The following EPHA6 variants were observed in gnomAD, a reference collection of about 807,000 sequenced individuals.
The protein encoded by EPHA6 is ephrin type-A receptor 6.
Under a neutral mutation model 112.0 loss-of-function variants are expected in EPHA6, and 50 were observed. That is an observed-to-expected ratio of 0.45 (90% CI 0.36 to 0.56). The LOEUF is 0.56. EPHA6 is among the 20% of genes least tolerant of loss of function. The pLI is 0.00. For synonymous variants in EPHA6, 529 were observed against 490.7 expected (o/e 1.08, Z -1.03); for missense variants, 1,280 against 1,417.4 (o/e 0.90, Z 1.56).
intron 3 of EPHA6, among the ~76,000 whole-genome samples, chr3:97,182,933 A>C (rs1037945960): frequency 6.6e-6 from 1 of 152,142 alleles, no homozygotes; most frequent in Non-Finnish European, 1.5e-5. Context: ...TTTGTAATAA[A>C]AATGTTTAAA....
intron 12 of EPHA6, among the ~76,000 whole-genome samples, chr3:97,600,924 C>G (rs571591324): frequency 6.6e-6 from 1 of 152,014 alleles, no homozygotes; most frequent in East Asian, 1.9e-4. Flanking sequence ...TAAGTAATCT[C>G]TAGATTTTTT....
intron 12 of EPHA6, among the ~76,000 whole-genome samples, chr3:97,598,125 ATTTTTATTTTTTATTT>A (rs1436276540): frequency 6.6e-6 from 1 of 151,622 alleles, no homozygotes; most frequent in Admixed American, 6.6e-5. Context: ...GTTAGTACCC[ATTTTTATTTTTTATTT>A]TTTTTATTTT....
At chr3:97,043,479 G>T (rs537972908) in intron 3 of EPHA6, among the ~76,000 whole-genome samples, 1 of 149,390 alleles carries the variant, frequency 6.7e-6, no homozygotes, top group South Asian at 2.1e-4. Flanking sequence ...CAAGAATAAG[G>T]GCATTTTCTA....
chr3:97,455,271 A>T (rs2090645570), intron 7 of EPHA6, among the ~76,000 whole-genome samples: 1 of 152,024 alleles, frequency 6.6e-6, no homozygotes, highest in Admixed American at 6.6e-5. Flanking sequence ...TTATGTTCCA[A>T]TCACTTTTTT....
intron 13 of EPHA6, among the ~76,000 whole-genome samples, chr3:97,621,263 CAG>C (rs2093811947): frequency 1.3e-5 from 2 of 151,696 alleles, no homozygotes; most frequent in Admixed American, 6.6e-5. Flanking sequence ...TGGGGCCTCT[CAG>C]AGAGTGGAGG....
chr3:97,694,191 G>A (rs946787137), intron 14 of EPHA6, among the ~76,000 whole-genome samples: 23 of 151,902 alleles, frequency 1.5e-4, no homozygotes, highest in Admixed American at 2.6e-4. Flanking sequence ...TTATTTCTGG[G>A]CCACAGTTAG....
intron 3 of EPHA6, among the ~76,000 whole-genome samples, chr3:97,006,421 T>C (rs2043881381): frequency 1.3e-5 from 2 of 152,274 alleles, no homozygotes; most frequent in African/African-American, 4.8e-5. Flanking sequence ...TCTCCAATGG[T>C]GGTTTGTATT....
At chr3:97,499,089 T>C (rs745902932) in intron 10 of EPHA6, among the ~76,000 whole-genome samples, 9 of 152,204 alleles carry the variant, frequency 5.9e-5, no homozygotes, top group Non-Finnish European at 1.2e-4. Flanking sequence ...AGAAAAGATA[T>C]ACAAACTAGA....
At chr3:97,547,152 A>C (rs574027515) in intron 11 of EPHA6, among the ~76,000 whole-genome samples, 4 of 152,030 alleles carry the variant, frequency 2.6e-5, no homozygotes, top group African/African-American at 9.6e-5. Context: ...TGCTTTTTAG[A>C]GTTTCCAGTT....
At chr3:97,261,853 C>T (rs1442371232) in intron 5 of EPHA6, among the ~76,000 whole-genome samples, 1 of 152,110 alleles carries the variant, frequency 6.6e-6, no homozygotes, top group African/African-American at 2.4e-5. Context: ...AACTGAGACA[C>T]AGCAAGACTA....
intron 11 of EPHA6, among the ~76,000 whole-genome samples, chr3:97,576,349 G>A (rs988076738): frequency 1.7e-4 from 26 of 151,956 alleles, no homozygotes; most frequent in Admixed American, 1.3e-4. Context: ...TATTACCATC[G>A]TGAAAGAAAG....
intron 3 of EPHA6, among the ~76,000 whole-genome samples, chr3:97,003,074 A>T (rs1336213640): frequency 6.6e-6 from 1 of 151,952 alleles, no homozygotes; most frequent in Non-Finnish European, 1.5e-5. Flanking sequence ...AGAAACAATG[A>T]TCATTTGGAC....
At chr3:97,739,478 CCA>C in intron 16 of EPHA6, among the ~76,000 whole-genome samples, 2 of 152,000 alleles carry the variant, frequency 1.3e-5, no homozygotes, top group South Asian at 2.1e-4. Context: ...GCCATGAAAT[CCA>C]CAGTTTAATA....
intron 3 of EPHA6, among the ~76,000 whole-genome samples, chr3:97,060,638 G>A (rs868165346): frequency 3.3e-5 from 5 of 152,082 alleles, no homozygotes; most frequent in Admixed American, 6.6e-5. Context: ...TCGGCCGGGC[G>A]CGGTGGCTCA....
intron 5 of EPHA6, among the ~76,000 whole-genome samples, chr3:97,366,491 G>A (rs2084740265): frequency 6.6e-6 from 1 of 152,098 alleles, no homozygotes; most frequent in African/African-American, 2.4e-5. Flanking sequence ...ATTAACAGAA[G>A]TCCACTGTGG....
chr3:97,323,700 G>A (rs114059154), intron 5 of EPHA6, among the ~76,000 whole-genome samples: 3,108 of 151,868 alleles, frequency 0.02, 107 homozygotes, highest in African/African-American at 0.07. Context: ...ATTGTAAAAC[G>A]TAAATGGTCT....
At chr3:97,462,186 G>A (rs975780092) in intron 7 of EPHA6, among the ~76,000 whole-genome samples, 1 of 152,054 alleles carries the variant, frequency 6.6e-6, no homozygotes, top group Non-Finnish European at 1.5e-5. Flanking sequence ...TTAAATGTAG[G>A]TAATAATACT....
At chr3:97,003,712 G>A (rs555306349) in intron 3 of EPHA6, among the ~76,000 whole-genome samples, 2 of 152,114 alleles carry the variant, frequency 1.3e-5, no homozygotes, top group East Asian at 3.9e-4. Context: ...AGAACACGCA[G>A]ATTTGTTACA....
chr3:97,031,678 C>T (rs2044851660), intron 3 of EPHA6, among the ~76,000 whole-genome samples: 1 of 151,994 alleles, frequency 6.6e-6, no homozygotes, highest in Non-Finnish European at 1.5e-5. Context: ...TATATGCAGC[C>T]AAAAAATGCA....
Sources: allele counts gnomAD v4.1 joint callset (sites outside exome capture counted in the v4.1 genomes callset), GRCh38; gene constraint gnomAD v4.1.1; transcripts MANE v1.5; gene names NCBI Gene and HGNC (gene_info 2026-07-23, HGNC 2026-07-21).